The following NUP62CL variants were observed in gnomAD, a reference collection of about 807,000 sequenced individuals.
NUP62CL encodes nucleoporin 62 C-terminal like, also known as nucleoporin-62 C-terminal-like protein.
In NUP62CL, 13 loss-of-function variants were observed where a neutral mutation model predicts 15.3. That is an observed-to-expected ratio of 0.85 (90% CI 0.55 to 1.35). The LOEUF is 1.35. NUP62CL is among the 40% of genes most tolerant of loss of function. The probability of loss-of-function intolerance (pLI) is 0.00; values close to 1 mark genes in which losing one functional copy is unlikely to be tolerated. For missense variants in NUP62CL, 123 were observed against 130.6 expected (o/e 0.94, Z 0.28); for synonymous variants, 54 against 49.2 (o/e 1.10, Z -0.41).
At chrX:107,155,102 C>A (rs1355714277) in intron 4 of NUP62CL, among the ~76,000 whole-genome samples, 5 of 111,494 alleles carry the variant, frequency 4.5e-5, no homozygotes, top group East Asian at 2.8e-4. Context: ...TTCCTGCCAT[C>A]CATGGGGTCA....
At chrX:107,143,906 C>A (rs752327754) in intron 8 of NUP62CL, among the ~76,000 whole-genome samples, 2 of 111,481 alleles carry the variant, frequency 1.8e-5, no homozygotes, top group Non-Finnish European at 3.8e-5. Context: ...CATAATTAAA[C>A]CCTGCCACTC....
At chrX:107,129,878 G>C (rs1209983438) in intron 8 of NUP62CL, among the ~76,000 whole-genome samples, 1 of 111,552 alleles carries the variant, frequency 9.0e-6, no homozygotes, top group African/African-American at 3.3e-5. Flanking sequence ...AGATAATACT[G>C]AATTCATGAA....
rs1926753098 is a variant in NUP62CL at position 107,175,128 on chromosome X, A to G, written c.19T>C (p.Ser7Pro). 1.7e-5 allele frequency: 20 copies of G among 1,207,874 alleles called. No homozygotes were observed. The highest frequency in any genetic ancestry group is 2.1e-5 in the Non-Finnish European group (19 of 892,480). ...GCAGCAGTGGAGGTCAAAGAATTTG[A>G]TATTGAGGTAAACTGCATGGTGCTT... The part of the protein sequence containing the change: MQFTSI[S>P]NSLTSTAAIG... The change falls in exon 3 of 9, where the codon TCA becomes CCA. Residue 7 changes from serine (S) to proline (P), a missense_variant. Physicochemically the swap from Ser to Pro is moderately conservative, Grantham distance 74 (BLOSUM62 -1). Coordinates refer to ENST00000372466, the MANE Select transcript of NUP62CL (RefSeq NM_017681.3).
At chrX:107,157,076 G>T (rs1297115625) in intron 4 of NUP62CL, among the ~76,000 whole-genome samples, 1 of 106,526 alleles carries the variant, frequency 9.4e-6, no homozygotes, top group East Asian at 3.0e-4. Context: ...GAAGTTTAGA[G>T]AAAAAAGAAT....
At chrX:107,198,735 T>C (rs951461950) in intron 1 of NUP62CL, among the ~76,000 whole-genome samples, 1 of 111,840 alleles carries the variant, frequency 8.9e-6, no homozygotes, top group African/African-American at 3.3e-5. Flanking sequence ...GCTTCACTTC[T>C]GAAGTCAGCA....
intron 2 of NUP62CL, among the ~76,000 whole-genome samples, chrX:107,189,074 TTAAC>T (rs1429597822): frequency 2.6e-4 from 29 of 112,035 alleles, no homozygotes; most frequent in African/African-American, 9.1e-4. Context: ...TTCAACATCA[TTAAC>T]TATCAGAGAA....
intron 2 of NUP62CL, among the ~76,000 whole-genome samples, chrX:107,182,936 G>A (rs998129680): frequency 8.9e-6 from 1 of 111,915 alleles, no homozygotes; most frequent in Admixed American, 9.4e-5. Context: ...GGTGGCTCAT[G>A]CCTGTAATCC....
intron 1 of NUP62CL, among the ~76,000 whole-genome samples, chrX:107,203,682 CAG>C (rs1927541045): frequency 9.1e-6 from 1 of 110,201 alleles, no homozygotes; most frequent in African/African-American, 3.3e-5. Context: ...CATCACAACA[CAG>C]AAAAAAATTT....
chrX:107,171,127 T>C (rs1416080110), intron 3 of NUP62CL, among the ~76,000 whole-genome samples: 1 of 112,503 alleles, frequency 8.9e-6, no homozygotes, highest in Non-Finnish European at 1.9e-5. Context: ...TAAAATTTGC[T>C]GATTATATCT....
rs1245773753 is a variant in NUP62CL at position 107,175,141 on chromosome X, C to T, written c.6G>A (p.Gln2=). The part of the protein sequence containing the change: M[Q]FTSISNSLTS... The stretch of plus-strand genomic sequence containing the variant: ...TCAAAGAATTTGATATTGAGGTAAA[C>T]TGCATGGTGCTTGAACTAGTGGTGG... The change falls in exon 3 of 9, where the codon CAG becomes CAA. Residue 2 remains glutamine, a synonymous_variant. Transcript: ENST00000372466. The T allele has an allele frequency of 2.8e-5, 34 of 1,204,498 alleles. No individual in the cohort carries two copies. The highest frequency in any genetic ancestry group is 3.7e-5 in the Non-Finnish European group (33 of 890,189).
At chrX:107,135,283 A>G (rs1338150071) in intron 8 of NUP62CL, among the ~76,000 whole-genome samples, 1 of 111,843 alleles carries the variant, frequency 8.9e-6, no homozygotes, top group Non-Finnish European at 1.9e-5. Flanking sequence ...GTGATGGGAA[A>G]AAAAAGAAAA....
At chrX:107,182,144 A>C (rs376295443) in intron 2 of NUP62CL, among the ~76,000 whole-genome samples, 11 of 112,617 alleles carry the variant, frequency 9.8e-5, no homozygotes, top group African/African-American at 3.5e-4. Context: ...AAGTTAAATG[A>C]ATCTTAGAAA....
chrX:107,178,080 G>T (rs898510529), intron 2 of NUP62CL, among the ~76,000 whole-genome samples: 3 of 111,742 alleles, frequency 2.7e-5, no homozygotes, highest in Non-Finnish European at 5.6e-5. Flanking sequence ...CTAAGTGAAA[G>T]AAGCTAGTCA....
intron 1 of NUP62CL, among the ~76,000 whole-genome samples, chrX:107,204,794 T>TTATTTAAATAAATTTTAAATAAAG (rs2147821619): frequency 1.2e-5 from 1 of 86,786 alleles, no homozygotes; most frequent in Admixed American, 1.3e-4. Flanking sequence ...TTTAAATAAA[T>TTATTTAAATAAATTTTAAATAAAG]TATTTAAATA....
chrX:107,136,015 T>C (rs1469345802), intron 8 of NUP62CL, among the ~76,000 whole-genome samples: 3 of 109,671 alleles, frequency 2.7e-5, no homozygotes, highest in Non-Finnish European at 3.8e-5. Flanking sequence ...AATCTTAAGT[T>C]CTTACCTTAA....
intron 1 of NUP62CL, among the ~76,000 whole-genome samples, chrX:107,198,313 A>C (rs1249361720): frequency 8.9e-6 from 1 of 112,074 alleles, no homozygotes; most frequent in African/African-American, 3.2e-5. Context: ...TGGACCCATC[A>C]GCACTCTATA....
intron 8 of NUP62CL, among the ~76,000 whole-genome samples, chrX:107,129,212 G>A (rs1925456310): frequency 8.9e-6 from 1 of 111,862 alleles, no homozygotes; most frequent in South Asian, 3.8e-4. Context: ...ACCCTAGAAA[G>A]AATATGGAAT....
At chrX:107,176,799 T>C (rs1401231778) in intron 2 of NUP62CL, among the ~76,000 whole-genome samples, 5 of 111,443 alleles carry the variant, frequency 4.5e-5, no homozygotes, top group Admixed American at 1.9e-4. Flanking sequence ...CTCAACAAAT[T>C]AGGAAGAGAA....
chrX:107,198,944 T>G (rs929093099), intron 1 of NUP62CL, among the ~76,000 whole-genome samples: 2 of 112,219 alleles, frequency 1.8e-5, no homozygotes, highest in Non-Finnish European at 3.8e-5. Flanking sequence ...TTTAAAAAAT[T>G]ACTATTCATC....
Sources: gnomAD v4.1 joint callset for allele counts (sites outside exome capture counted in the v4.1 genomes callset) on GRCh38, gnomAD v4.1.1 for gene constraint, MANE v1.5 for transcripts, NCBI Gene and HGNC (gene_info 2026-07-23, HGNC 2026-07-21) for gene names.